ZFAT: variants seen among roughly 807,000 people sequenced by gnomAD.
ZFAT encodes the protein zinc finger and AT-hook domain containing, also known as zinc finger protein ZFAT.
Under a neutral mutation model 117.7 loss-of-function variants are expected in ZFAT, and 64 were observed. The observed-to-expected ratio is 0.54, with a 90% CI of 0.44 to 0.67. The LOEUF (loss-of-function observed/expected upper bound fraction) is 0.67. Among genes scored for constraint, ZFAT ranks in the 30% least tolerant of loss-of-function variants. ZFAT has a pLI of 0.00. For missense variants in ZFAT, 1,433 were observed against 1,584.5 expected (o/e 0.90, Z 1.62); for synonymous variants, 679 against 615.0 (o/e 1.10, Z -1.54).
At chr8:134,486,536 G>C (rs540862039) in intron 15 of ZFAT, among the ~76,000 whole-genome samples, 1 of 152,260 alleles carries the variant, frequency 6.6e-6, no homozygotes, top group African/African-American at 2.4e-5. Context: ...GTCCTTGAAA[G>C]GGAAGGCACC....
At chr8:134,565,785 G>T (rs1026153402) in intron 10 of ZFAT, 1 of 328,680 alleles carries the variant, frequency 3.0e-6, no homozygotes, top group East Asian at 9.8e-5. Flanking sequence ...ATGGACCACA[G>T]GGTGCTCAGG....
At chr8:134,594,405 C>T (rs1205585817) in intron 7 of ZFAT, among the ~76,000 whole-genome samples, 1 of 152,194 alleles carries the variant, frequency 6.6e-6, no homozygotes, top group Non-Finnish European at 1.5e-5. Context: ...CTTCTCAGTG[C>T]TTTGTTGGCA....
intron 12 of ZFAT, among the ~76,000 whole-genome samples, chr8:134,526,647 T>C (rs932204802): frequency 5.9e-5 from 9 of 152,228 alleles, no homozygotes; most frequent in Non-Finnish European, 1.0e-4. Flanking sequence ...TGCTCCTTTG[T>C]GGTGCTTGAC....
intron 1 of ZFAT, among the ~76,000 whole-genome samples, chr8:134,679,327 CAT>C (rs1471693684): frequency 6.6e-6 from 1 of 152,220 alleles, no homozygotes; most frequent in Non-Finnish European, 1.5e-5. Context: ...AGCCAACAAA[CAT>C]ATGAAAAAAT....
At chr8:134,662,637 C>G (rs975524877) in intron 1 of ZFAT, among the ~76,000 whole-genome samples, 1 of 152,226 alleles carries the variant, frequency 6.6e-6, no homozygotes, top group African/African-American at 2.4e-5. Context: ...GTGACAATGG[C>G]CACCGCCAAG....
At chr8:134,752,724 G>C in the ZFAT span, among the ~76,000 whole-genome samples, 1 of 152,150 alleles carries the variant, frequency 6.6e-6, no homozygotes, top group African/African-American at 2.4e-5. Context: ...TTCCAAGCTT[G>C]TGCACAGCCA....
At chr8:134,691,429 A>T (rs1268775089) in intron 1 of ZFAT, among the ~76,000 whole-genome samples, 2 of 152,262 alleles carry the variant, frequency 1.3e-5, no homozygotes, top group African/African-American at 4.8e-5. Context: ...CACCTGTAGC[A>T]GGTCCATTCA....
rs1000457342 is a variant in ZFAT, at chr8:134,610,660, G to A, written c.449-5C>T. ...GTTCAAGGTCAGACTCGTTACCTAA[G>A]GAGCAAATACCAAGATGCATAAGGT... On this transcript the variant is annotated splice_polypyrimidine_tract_variant and splice_region_variant and intron_variant, in intron 3 of 15. Transcript: ENST00000377838. 4.3e-6 allele frequency: 7 copies of A among 1,613,508 alleles called. No homozygotes were observed. The highest frequency in any genetic ancestry group is 5.1e-6 in the Non-Finnish European group (6 of 1,179,924).
At chr8:134,787,854 T>C in the ZFAT span, among the ~76,000 whole-genome samples, 3 of 152,270 alleles carry the variant, frequency 2.0e-5, no homozygotes, top group South Asian at 6.2e-4. Flanking sequence ...TATTTTACAC[T>C]AGTGTAAATG....
chr8:134,549,384 T>C (rs956912970), intron 11 of ZFAT, among the ~76,000 whole-genome samples: 1 of 146,450 alleles, frequency 6.8e-6, no homozygotes, highest in African/African-American at 2.6e-5. Context: ...GAGCTTGCAG[T>C]GAGCCGAGAT....
At chr8:134,540,082 A>T (rs1822139477) in intron 11 of ZFAT, among the ~76,000 whole-genome samples, 1 of 152,218 alleles carries the variant, frequency 6.6e-6, no homozygotes, top group Non-Finnish European at 1.5e-5. Context: ...TAATCAGTTC[A>T]TTAGCATATT....
chr8:134,592,234 C>A (rs1034428318), intron 7 of ZFAT, among the ~76,000 whole-genome samples: 2 of 152,170 alleles, frequency 1.3e-5, no homozygotes. Flanking sequence ...TGCTCCCCAC[C>A]GGGCAGTCTA....
intron 3 of ZFAT, among the ~76,000 whole-genome samples, chr8:134,621,188 T>C (rs927979581): frequency 2.0e-5 from 3 of 150,154 alleles, no homozygotes; most frequent in East Asian, 3.9e-4. Context: ...GTGAGCTCTT[T>C]ATGGCCCTAC....
the ZFAT span, among the ~76,000 whole-genome samples, chr8:134,743,382 G>A: frequency 1.3e-5 from 2 of 152,150 alleles, no homozygotes; most frequent in African/African-American, 2.4e-5. Flanking sequence ...CCAGCTACTC[G>A]GGAGGCTGAG....
chr8:134,622,287 C>T (rs1027631082), intron 3 of ZFAT, among the ~76,000 whole-genome samples: 1 of 152,206 alleles, frequency 6.6e-6, no homozygotes, highest in African/African-American at 2.4e-5. Context: ...TTTCACTGTG[C>T]AGCACTGCTC....
chr8:134,678,456 T>C (rs1195577458), intron 1 of ZFAT, among the ~76,000 whole-genome samples: 1 of 151,982 alleles, frequency 6.6e-6, no homozygotes, highest in Non-Finnish European at 1.5e-5. Context: ...CACAAACAAA[T>C]GGAAAAATGC....
chr8:134,503,434 G>A (rs569660582), intron 15 of ZFAT, among the ~76,000 whole-genome samples: 2 of 152,302 alleles, frequency 1.3e-5, no homozygotes, highest in East Asian at 3.9e-4. Flanking sequence ...GTTTTTCACT[G>A]ACAAAACAGA....
intron 3 of ZFAT, among the ~76,000 whole-genome samples, chr8:134,634,027 C>T (rs1347544338): frequency 2.0e-5 from 3 of 151,846 alleles, no homozygotes; most frequent in Admixed American, 6.6e-5. Context: ...GCCTAGGCAA[C>T]AAGAGCAAAA....
chr8:134,610,510 G>A lies in ZFAT; in HGVS notation c.594C>T (p.Pro198=). The A allele has an allele frequency of 6.2e-7, 1 of 1,614,102 alleles. No homozygotes were observed. The highest frequency in any genetic ancestry group is 2.2e-5 in the East Asian group (1 of 44,880). The part of the protein sequence containing the change: ...EARQLSGAKK[P]IISVVLTAHE... ...GTGCAGTTAAAACCACACTTATGAT[G>A]GGTTTCTTCGCCCCAGAAAGCTGTC... Residue 198 remains proline, a synonymous_variant, in exon 4 of 16, where the codon CCC becomes CCT. Coordinates refer to ENST00000377838, the MANE Select transcript of ZFAT (RefSeq NM_020863.4).
Sources: allele counts gnomAD v4.1 joint callset (sites outside exome capture counted in the v4.1 genomes callset), GRCh38; gene constraint gnomAD v4.1.1; transcripts MANE v1.5; gene names NCBI Gene and HGNC (gene_info 2026-07-23, HGNC 2026-07-21).